Variants in TCF20 observed in about 807,000 individuals in gnomAD.
TCF20 encodes the protein SPRE-binding protein.
In TCF20, 3 loss-of-function variants were observed where a neutral mutation model predicts 148.6. The observed-to-expected ratio is 0.02, with a 90% CI of 0.01 to 0.05. The LOEUF (loss-of-function observed/expected upper bound fraction) is 0.05. Among genes scored for constraint, TCF20 ranks in the 10% least tolerant of loss-of-function variants. The pLI is 1.00. For missense variants in TCF20, 2,350 were observed against 2,429.3 expected (o/e 0.97, Z 0.69); for synonymous variants, 1,049 against 909.5 (o/e 1.15, Z -2.76).
chr22:42,224,339 G>T (rs952851569), intron 1 of TCF20, among the ~76,000 whole-genome samples: 2 of 151,794 alleles, frequency 1.3e-5, no homozygotes, highest in Admixed American at 1.3e-4. Flanking sequence ...GGGCGTGGTG[G>T]TAGGCACCTG....
intron 2 of TCF20, among the ~76,000 whole-genome samples, chr22:42,189,580 G>A (rs1317121284): frequency 6.6e-6 from 1 of 152,114 alleles, no homozygotes; most frequent in Non-Finnish European, 1.5e-5. Flanking sequence ...ATTGTTTTCC[G>A]TTGTCTTAGA....
chr22:42,265,636 C>T (rs947436151), intron 1 of TCF20, among the ~76,000 whole-genome samples: 3 of 152,166 alleles, frequency 2.0e-5, no homozygotes, highest in African/African-American at 4.8e-5. Flanking sequence ...AGAGACAAAG[C>T]CCCAGACAGA....
At chr22:42,250,009 G>A (rs886348462) in intron 1 of TCF20, among the ~76,000 whole-genome samples, 33 of 152,142 alleles carry the variant, frequency 2.2e-4, no homozygotes, top group East Asian at 2.1e-3. Flanking sequence ...AGTCAGTCCC[G>A]GCTACTAGGG....
chr22:42,258,819 G>C (rs1198696733), intron 1 of TCF20, among the ~76,000 whole-genome samples: 1 of 152,052 alleles, frequency 6.6e-6, no homozygotes, highest in African/African-American at 2.4e-5. Flanking sequence ...ACTTAGGACG[G>C]ATGGGTTTAT....
chr22:42,334,914 T>C lies in TCF20; in HGVS notation c.-37+8565A>G, dbSNP rs1412040040. 3.9e-5 allele frequency among the ~76,000 whole-genome samples: 6 copies of C among 152,206 alleles called. No individual in the cohort carries two copies. In the South Asian group the frequency reaches 8.3e-4, roughly 21 times the overall value. The stretch of plus-strand genomic sequence containing the variant: ...GGAACCTTGCTCTGGACCTCAGCAA[T>C]GGATGGATCTAGCAGGGCCTCAGGA... On this transcript the variant is annotated intron_variant, in intron 1 of 1. Transcript: ENST00000515426.
rs867811393 is a variant in TCF20 at position 42,211,810 on chromosome 22, A to G, written c.3496T>C (p.Ser1166Pro). The G allele has an allele frequency of 1.9e-6, 3 of 1,614,028 alleles. No individual in the cohort carries two copies. The African/African-American group carries it at 4.0e-5, about 22-fold the overall frequency. ...SAQEAGRCLM[S>P]SDGLPNKGME... ...CCCTTGTTAGGCAGACCATCACTAG[A>G]CATTAGGCAGCGCCCAGCCTCCTGG... is the stretch of plus-strand genomic sequence containing the variant. Residue 1166 changes from serine to proline, a missense_variant, in exon 2 of 6, where the codon TCT becomes CCT. Physicochemically the swap from Ser to Pro is moderately conservative, Grantham distance 74. Coordinates refer to ENST00000677622, the MANE Select transcript of TCF20 (RefSeq NM_001378418.1).
rs576080021 is a variant in TCF20 at position 42,193,010 on chromosome 22, C to T, written c.5656-13308G>A. On this transcript the variant is annotated intron_variant, in intron 2 of 5. Transcript: ENST00000677622. ...CAGAAGAGACTGAATGGGAAGCATC[C>T]CAGGTTCTTATCCTCAAGAAAGTTT... Among the ~76,000 whole-genome samples, 4 of 152,214 alleles carry T rather than the reference C, an allele frequency of 2.6e-5. No individual in the cohort carries two copies. The South Asian group carries it at 6.2e-4, about 24-fold the overall frequency.
chr22:42,307,136 G>C (rs980528475), intron 1 of TCF20, among the ~76,000 whole-genome samples: 1 of 151,906 alleles, frequency 6.6e-6, no homozygotes, highest in African/African-American at 2.4e-5. Flanking sequence ...TCTGACGACA[G>C]CATGGGGTTG....
intron 2 of TCF20, among the ~76,000 whole-genome samples, chr22:42,190,146 G>C (rs1937256021): frequency 6.6e-6 from 1 of 152,154 alleles, no homozygotes; most frequent in African/African-American, 2.4e-5. Flanking sequence ...GCTACTTAAA[G>C]ACACTGATCA....
chr22:42,209,912 G>C lies in TCF20; in HGVS notation c.5394C>G (p.Gly1798=). 6.2e-7 allele frequency: 1 copy of C among 1,614,178 alleles called. No individual in the cohort carries two copies. Among genetic ancestry groups the C allele is most frequent in the Non-Finnish European group, 8.5e-7 (1 of 1,180,036 alleles). ...GGAGCCCCCTGGACAGGGACCGAGG[G>C]CCTCCACCACAGTCTTCCGAGCGGT... is the stretch of plus-strand genomic sequence containing the variant. ...RRHRSEDCGG[G]PRSLSRGLPC... The change falls in exon 2 of 6, where the codon GGC becomes GGG. Residue 1798 remains glycine (G), a synonymous_variant. Transcript: ENST00000677622.
At chr22:42,320,579 T>C (rs1295780344) in intron 1 of TCF20, among the ~76,000 whole-genome samples, 1 of 152,152 alleles carries the variant, frequency 6.6e-6, no homozygotes, top group East Asian at 1.9e-4. Flanking sequence ...TAGCACTTCA[T>C]CTCCAGGAGA....
intron 2 of TCF20, among the ~76,000 whole-genome samples, chr22:42,196,638 C>T (rs1464277265): frequency 2.0e-5 from 3 of 152,226 alleles, no homozygotes; most frequent in Non-Finnish European, 4.4e-5. Context: ...GGTTCACAAT[C>T]ACAGCTTTCA....
In TCF20 at chr22:42,211,319, A is replaced by G. The variant is rs1225332604; in HGVS notation, c.3987T>C (p.Pro1329=). Residue 1329 remains proline, a synonymous_variant, in exon 2 of 6, where the codon CCT becomes CCC. Transcript: ENST00000677622. ...DLPSPDSRNC[P]AVTLTSPAKT... The stretch of plus-strand genomic sequence containing the variant: ...TAGCAGGGCTTGTGAGGGTAACAGC[A>G]GGGCAGTTTCTACTATCTGGACTTG... The G allele has an allele frequency of 4.3e-6, 7 of 1,614,180 alleles. No homozygotes were observed. Among genetic ancestry groups the G allele is most frequent in the Non-Finnish European group, 5.9e-6 (7 of 1,180,038 alleles).
At chr22:42,209,595 A>C (rs1920924267) in intron 2 of TCF20, 56 bp downstream of exon 2, 1 of 1,526,564 alleles carries the variant, frequency 6.6e-7, no homozygotes, top group East Asian at 2.3e-5. Flanking sequence ...AACATGCAAG[A>C]AAAGGAACCA....
intron 2 of TCF20, among the ~76,000 whole-genome samples, chr22:42,200,366 G>T (rs903983127): frequency 2.0e-5 from 3 of 152,060 alleles, no homozygotes; most frequent in Admixed American, 6.6e-5. Flanking sequence ...ATCAACTTTA[G>T]CCGGGTGTGG....
intron 1 of TCF20, among the ~76,000 whole-genome samples, chr22:42,232,623 C>T (rs936631221): frequency 3.3e-5 from 5 of 151,758 alleles, no homozygotes; most frequent in African/African-American, 7.3e-5. Context: ...GTCAGGAGAT[C>T]GAGACCATCC....
rs1023419236 is a variant in TCF20 at position 42,295,009 on chromosome 22, C to T, written c.-37+48470G>A. 2.5e-4 allele frequency among the ~76,000 whole-genome samples: 38 copies of T among 152,276 alleles called. 1 individual carries two copies. Among genetic ancestry groups the T allele is most frequent in the Non-Finnish European group, 7.4e-5 (5 of 68,010 alleles). On this transcript the variant is annotated intron_variant, in intron 1 of 1. Coordinates refer to the TCF20 transcript ENST00000515426. Reference sequence around the variant, plus strand: ...CTACGCGCTGCCTAGAGGCAGGGGCCGCCTGGTTGGGCCCACCTGGAACAC... The same window carrying T: ...CTACGCGCTGCCTAGAGGCAGGGGCTGCCTGGTTGGGCCCACCTGGAACAC...
At chr22:42,337,441 G>A (rs1928085879) in intron 1 of TCF20, among the ~76,000 whole-genome samples, 1 of 152,042 alleles carries the variant, frequency 6.6e-6, no homozygotes, top group Non-Finnish European at 1.5e-5. Flanking sequence ...AAGCCCTGGT[G>A]CCACTGCCAA....
chr22:42,316,533 G>C (rs1367039237), intron 1 of TCF20, among the ~76,000 whole-genome samples: 1 of 152,184 alleles, frequency 6.6e-6, no homozygotes, highest in South Asian at 2.1e-4. Flanking sequence ...CACCTGCCAG[G>C]TTCAAGCGAT....
Sources: gnomAD v4.1 joint callset for allele counts (sites outside exome capture counted in the v4.1 genomes callset) on GRCh38, gnomAD v4.1.1 for gene constraint, MANE v1.5 for transcripts, NCBI Gene and HGNC (gene_info 2026-07-23, HGNC 2026-07-21) for gene names.